The following GRM7 variants were observed in gnomAD, a reference collection of about 807,000 sequenced individuals.
The protein encoded by GRM7 is metabotropic glutamate receptor 7.
A neutral mutation model predicts 84.5 loss-of-function variants in GRM7; 35 were observed. That is an observed-to-expected ratio of 0.41 (90% CI 0.32 to 0.55). GRM7 has a LOEUF of 0.55. GRM7 is among the 20% of genes least tolerant of loss of function. The pLI is 0.19. For missense variants in GRM7, 1,003 were observed against 1,194.6 expected, an observed-to-expected ratio of 0.84 and a Z score of 2.36; for synonymous variants, 487 against 455.1, an observed-to-expected ratio of 1.07 and a Z score of -0.89.
At position 7,710,492 on chromosome 3, in the gene GRM7, G is replaced by C. The variant is rs73123740; in HGVS notation, c.2699-29865G>C. 9.3e-3 allele frequency among the ~76,000 whole-genome samples: 688 copies of C among 73,918 alleles called. 5 individuals are homozygous for C. Among genetic ancestry groups the C allele is most frequent in the African/African-American group, 0.028 (618 of 22,142 alleles). 48.5% of individuals were successfully genotyped at this position (73,918 alleles called of 152,430 possible). Reference sequence around the variant, plus strand: ...CACTCACATTCCTGGAACCTTGCCAGATGGTGTAAAAGGAGCATTATCAGG... The same window carrying C: ...CACTCACATTCCTGGAACCTTGCCACATGGTGTAAAAGGAGCATTATCAGG... On this transcript the variant is annotated intron_variant, in intron 9 of 9. Transcript: ENST00000357716.
At chr3:7,470,173 A>T (rs1698641072) in intron 7 of GRM7, among the ~76,000 whole-genome samples, 1 of 152,182 alleles carries the variant, frequency 6.6e-6, no homozygotes, top group African/African-American at 2.4e-5. Flanking sequence ...CCTAATCTAG[A>T]CTTAGAGTAG....
chr3:7,457,793 G>A (rs906166362), intron 6 of GRM7, among the ~76,000 whole-genome samples: 1 of 152,122 alleles, frequency 6.6e-6, no homozygotes, highest in Non-Finnish European at 1.5e-5. Context: ...CCCCACTGAT[G>A]GGCCACATGT....
intron 1 of GRM7, among the ~76,000 whole-genome samples, chr3:7,100,061 G>C (rs1159374247): frequency 6.7e-6 from 1 of 150,100 alleles, no homozygotes; most frequent in Non-Finnish European, 1.5e-5. Context: ...TAATATATAT[G>C]TAATTTACTT....
chr3:7,461,605 G>A lies in GRM7; in HGVS notation c.1398G>A (p.Met466Ile), dbSNP rs1050018326. Residue 466 changes from methionine to isoleucine, a missense_variant, in exon 7 of 10, where the codon ATG becomes ATA. This residue lies in a region of GRM7 where 910 missense variants were observed against 1,126.0 expected (regional missense o/e 0.81). Transcript: ENST00000357716. ...NFNGSAGTPV[M>I]FNKNGDAPGR... Reference sequence around the variant, plus strand: ...TAGGTAGTGCTGGCACTCCAGTGATGTTTAACAAGAACGGGGATGCACCTG... The same window carrying A: ...TAGGTAGTGCTGGCACTCCAGTGATATTTAACAAGAACGGGGATGCACCTG... 1 of 1,613,026 alleles carries A rather than the reference G, an allele frequency of 6.2e-7. No individual in the cohort carries two copies.
chr3:7,214,797 G>GT lies in GRM7; in HGVS notation c.736+68137dup, dbSNP rs199811381. The stretch of plus-strand genomic sequence containing the variant: ...GACTGGAATAAATAATCTTGGGTTT[G>GT]TTTTTTTTGTTGTTGGCCTCATTAT... On this transcript the variant is annotated intron_variant, in intron 2 of 9. Transcript: ENST00000357716. 6.2e-4 allele frequency among the ~76,000 whole-genome samples: 94 copies of GT among 151,934 alleles called. 1 individual carries two copies. In the East Asian group the frequency reaches 0.011, roughly 18 times the overall value.
chr3:7,075,113 T>A (rs1343865558), intron 1 of GRM7, among the ~76,000 whole-genome samples: 1 of 152,188 alleles, frequency 6.6e-6, no homozygotes, highest in Non-Finnish European at 1.5e-5. Flanking sequence ...TCAGGGGATT[T>A]ATGCAAAAAA....
chr3:6,923,659 A>C (rs143361707), intron 1 of GRM7, among the ~76,000 whole-genome samples: 2 of 152,310 alleles, frequency 1.3e-5, no homozygotes, highest in East Asian at 3.9e-4. Context: ...ATGGTTAAAG[A>C]AACACATCAA....
chr3:7,591,369 G>C (rs1695775286), intron 8 of GRM7: 1 of 365,164 alleles, frequency 2.7e-6, no homozygotes, highest in Non-Finnish European at 5.3e-6. Context: ...AAAAAATACA[G>C]TAATACACAG....
At chr3:7,000,942 G>GA (rs565464580) in intron 1 of GRM7, among the ~76,000 whole-genome samples, 106 of 152,184 alleles carry the variant, frequency 7.0e-4, no homozygotes, top group Non-Finnish European at 1.4e-3. Context: ...TCAATGAACA[G>GA]AAAAAACAGG....
intron 1 of GRM7, among the ~76,000 whole-genome samples, chr3:7,014,200 T>C (rs1038154820): frequency 6.6e-6 from 1 of 152,168 alleles, no homozygotes; most frequent in Non-Finnish European, 1.5e-5. Context: ...AAAACAAATA[T>C]CTCTGGACAG....
At chr3:7,194,450 C>A (rs1028296829) in intron 2 of GRM7, among the ~76,000 whole-genome samples, 1 of 152,130 alleles carries the variant, frequency 6.6e-6, no homozygotes, top group African/African-American at 2.4e-5. Flanking sequence ...TTCAAATATC[C>A]TATTCCTCCT....
intron 2 of GRM7, among the ~76,000 whole-genome samples, chr3:7,215,630 A>C (rs982292864): frequency 2.0e-5 from 3 of 151,952 alleles, no homozygotes; most frequent in African/African-American, 7.3e-5. Context: ...GCGCCACTGC[A>C]CTCCAGCCTG....
intron 7 of GRM7, among the ~76,000 whole-genome samples, chr3:7,514,480 T>C (rs1485720592): frequency 2.6e-5 from 4 of 152,234 alleles, no homozygotes; most frequent in African/African-American, 4.8e-5. Flanking sequence ...AAAATGGTCA[T>C]CTCTGGATAT....
intron 1 of GRM7, among the ~76,000 whole-genome samples, chr3:7,022,345 AT>A (rs1695808174): frequency 2.3e-5 from 3 of 128,508 alleles, no homozygotes; most frequent in South Asian, 2.5e-4. Flanking sequence ...AAATAATAAA[AT>A]ATATATATAT....
chr3:7,594,947 T>C (rs964817163), intron 8 of GRM7, among the ~76,000 whole-genome samples: 3 of 152,144 alleles, frequency 2.0e-5, no homozygotes, highest in Non-Finnish European at 4.4e-5. Flanking sequence ...TCTGTGTGTG[T>C]GTGTGTGTGT....
chr3:7,343,626 G>C (rs1020018846), intron 4 of GRM7, among the ~76,000 whole-genome samples: 1 of 152,146 alleles, frequency 6.6e-6, no homozygotes, highest in African/African-American at 2.4e-5. Context: ...GCCAACACTT[G>C]TCATAGTGAA....
chr3:7,440,742 A>T (rs1697254095), intron 5 of GRM7, among the ~76,000 whole-genome samples: 1 of 152,014 alleles, frequency 6.6e-6, no homozygotes, highest in Non-Finnish European at 1.5e-5. Context: ...GAGAAAGTTT[A>T]ATGTTTGGTT....
chr3:7,670,545 G>A (rs959908549), intron 8 of GRM7, among the ~76,000 whole-genome samples: 2 of 152,182 alleles, frequency 1.3e-5, no homozygotes, highest in Non-Finnish European at 2.9e-5. Flanking sequence ...ATAGGCCCAA[G>A]AAATGCTTAG....
chr3:6,887,380 C>G (rs1013242323), intron 1 of GRM7, among the ~76,000 whole-genome samples: 2 of 151,986 alleles, frequency 1.3e-5, no homozygotes, highest in African/African-American at 4.8e-5. Flanking sequence ...TCCCTCCCCC[C>G]TTCCCCCACC....
Sources: allele counts gnomAD v4.1 joint callset (sites outside exome capture counted in the v4.1 genomes callset), GRCh38; gene constraint gnomAD v4.1.1; regional missense constraint gnomAD v4.1.1; transcripts MANE v1.5; gene names NCBI Gene and HGNC (gene_info 2026-07-23, HGNC 2026-07-21).